RBPMS: variants seen among roughly 807,000 people sequenced by gnomAD.
RBPMS encodes RNA-binding protein with multiple splicing.
Under a neutral mutation model 26.8 loss-of-function variants are expected in RBPMS, and 7 were observed. That is an observed-to-expected ratio of 0.26 (90% CI 0.15 to 0.49). RBPMS has a LOEUF of 0.49. RBPMS is among the 20% of genes least tolerant of loss of function. The pLI is 0.98. For synonymous variants in RBPMS, 96 were observed against 93.3 expected, an observed-to-expected ratio of 1.03 and a Z score of -0.17; for missense variants, 186 against 250.0, an observed-to-expected ratio of 0.74 and a Z score of 1.73.
At chr8:30,511,397 G>A (rs1353549144) in intron 5 of RBPMS, among the ~76,000 whole-genome samples, 2 of 149,474 alleles carry the variant, frequency 1.3e-5, no homozygotes, top group Admixed American at 1.3e-4. Context: ...CGAGGCAGGC[G>A]GGTTGCCTGA....
intron 4 of RBPMS, among the ~76,000 whole-genome samples, chr8:30,502,035 A>C (rs942914060): frequency 1.3e-4 from 20 of 152,128 alleles, no homozygotes; most frequent in Non-Finnish European, 2.2e-4. Flanking sequence ...TTGATTACCA[A>C]ATATGGTATT....
intron 1 of RBPMS, among the ~76,000 whole-genome samples, chr8:30,451,187 C>T (rs547390523): frequency 2.0e-5 from 3 of 152,270 alleles, no homozygotes; most frequent in African/African-American, 7.2e-5. Context: ...TTTCACTGCC[C>T]TGGGCTTCTG....
intron 1 of RBPMS, among the ~76,000 whole-genome samples, chr8:30,436,203 T>A (rs10100095): frequency 1.1e-5 from 1 of 87,950 alleles, no homozygotes; most frequent in African/African-American, 3.3e-5. Flanking sequence ...ACTTTCCCCC[T>A]TTTTTTCACT....
intron 4 of RBPMS, among the ~76,000 whole-genome samples, chr8:30,491,115 A>G (rs920913865): frequency 3.9e-5 from 6 of 152,162 alleles, no homozygotes; most frequent in Non-Finnish European, 8.8e-5. Context: ...CATCAGTGAC[A>G]TCTCCCCCAA....
At chr8:30,522,261 C>T (rs978396336) in intron 5 of RBPMS, among the ~76,000 whole-genome samples, 5 of 150,824 alleles carry the variant, frequency 3.3e-5, no homozygotes, top group Non-Finnish European at 7.4e-5. Context: ...TAGTGAGACC[C>T]CATCTCTATT....
At chr8:30,550,260 G>A (rs1826247660) in intron 6 of RBPMS, among the ~76,000 whole-genome samples, 1 of 152,144 alleles carries the variant, frequency 6.6e-6, no homozygotes, top group Admixed American at 6.5e-5. Flanking sequence ...GGAAAAGACA[G>A]GCTCTGGAAC....
intron 5 of RBPMS, among the ~76,000 whole-genome samples, chr8:30,505,239 C>G (rs1267531466): frequency 6.6e-6 from 1 of 152,192 alleles, no homozygotes; most frequent in Non-Finnish European, 1.5e-5. Flanking sequence ...TTCAAGGAAA[C>G]CCAAGTGACT....
chr8:30,569,224 T>G (rs1220721201), intron 8 of RBPMS, among the ~76,000 whole-genome samples: 2 of 152,192 alleles, frequency 1.3e-5, no homozygotes, highest in African/African-American at 4.8e-5. Flanking sequence ...ATGCCATAAA[T>G]GACCCACCAC....
intron 6 of RBPMS, among the ~76,000 whole-genome samples, chr8:30,550,946 C>T (rs1428840404): frequency 6.6e-6 from 1 of 152,240 alleles, no homozygotes; most frequent in Non-Finnish European, 1.5e-5. Context: ...ATCGGAGAAA[C>T]TGGAGAAAGA....
Position 30,558,940 on chromosome 8 carries a change from G to T in RBPMS, c.582G>T (p.Gln194His). 6.2e-7 allele frequency: 1 copy of T among 1,614,040 alleles called. No homozygotes were observed. The highest frequency in any genetic ancestry group is 1.6e-4 in the Middle Eastern group (1 of 6,062). The change falls in exon 7 of 9, where the codon CAG (glutamine) becomes CAT (histidine). Residue 194 changes from glutamine (Q) to histidine (H), a missense_variant. By Grantham distance (24) the Gln-to-His change is conservative. Coordinates refer to ENST00000397323, the MANE Select transcript of RBPMS (RefSeq NM_001008710.3). ...CTTCTCAGGGCTGGAAGTCCCGTCA[G>T]TTCTGCTGAATACTATGTAAGTACT... Reference protein sequence around the residue: ...EATSQGWKSRQFC With the variant: ...EATSQGWKSRHFC
chr8:30,461,187 T>C (rs540066428), intron 1 of RBPMS, among the ~76,000 whole-genome samples: 1 of 152,210 alleles, frequency 6.6e-6, no homozygotes, highest in Non-Finnish European at 1.5e-5. Context: ...TTGATGTTGA[T>C]ATAATTATTT....
intron 5 of RBPMS, among the ~76,000 whole-genome samples, chr8:30,543,045 G>A (rs969212861): frequency 1.3e-5 from 2 of 152,286 alleles, no homozygotes; most frequent in African/African-American, 2.4e-5. Flanking sequence ...AAGTCCTGAG[G>A]AGGTAGTTTT....
intron 5 of RBPMS, among the ~76,000 whole-genome samples, chr8:30,536,715 T>A (rs1210279073): frequency 1.3e-5 from 2 of 152,224 alleles, no homozygotes; most frequent in Non-Finnish European, 2.9e-5. Context: ...TGAAACACTT[T>A]TTTTATGTTA....
At chr8:30,548,940 TAG>T (rs1348095486) in intron 6 of RBPMS, among the ~76,000 whole-genome samples, 2 of 152,234 alleles carry the variant, frequency 1.3e-5, no homozygotes, top group East Asian at 3.8e-4. Context: ...TTTGAATACA[TAG>T]AGTGTTGGGG....
chr8:30,539,612 C>G (rs541675482), intron 5 of RBPMS, among the ~76,000 whole-genome samples: 5 of 147,664 alleles, frequency 3.4e-5, no homozygotes, highest in African/African-American at 7.5e-5. Flanking sequence ...TTTTTTTAAT[C>G]TTTTTTTTAA....
intron 1 of RBPMS, among the ~76,000 whole-genome samples, chr8:30,410,143 TACACACACACACACACAC>T (rs34489233): frequency 0.019 from 2,458 of 132,196 alleles, 79 homozygotes; most frequent in African/African-American, 0.063. Flanking sequence ...TGACTTAAAA[TACACACACACACACACAC>T]ACACACACAC....
intron 5 of RBPMS, among the ~76,000 whole-genome samples, chr8:30,527,540 C>G (rs1327390112): frequency 6.6e-6 from 1 of 152,162 alleles, no homozygotes; most frequent in Non-Finnish European, 1.5e-5. Context: ...ACTAGCTGGC[C>G]TACAACCGTT....
chr8:30,506,399 C>G (rs951374041), intron 5 of RBPMS, among the ~76,000 whole-genome samples: 1 of 150,262 alleles, frequency 6.7e-6, no homozygotes, highest in African/African-American at 2.5e-5. Context: ...AAATAAAAGT[C>G]AGCATGATTT....
intron 4 of RBPMS, among the ~76,000 whole-genome samples, chr8:30,481,526 C>G (rs372190343): frequency 5.3e-5 from 8 of 152,072 alleles, no homozygotes; most frequent in African/African-American, 1.7e-4. Flanking sequence ...GGTTATTCTT[C>G]TTGCACTAGG....
Sources: gnomAD v4.1 joint callset for allele counts (sites outside exome capture counted in the v4.1 genomes callset) on GRCh38, gnomAD v4.1.1 for gene constraint, MANE v1.5 for transcripts, NCBI Gene and HGNC (gene_info 2026-07-23, HGNC 2026-07-21) for gene names.